TSG101: variants seen among roughly 807,000 people sequenced by gnomAD.
TSG101 encodes the protein tumor susceptibility 101.
A neutral mutation model predicts 48.5 loss-of-function variants in TSG101; 19 were observed. The observed-to-expected ratio is 0.39, with a 90% CI of 0.27 to 0.58. The LOEUF is 0.58. Among genes scored for constraint, TSG101 ranks in the 20% least tolerant of loss-of-function variants. The probability of loss-of-function intolerance (pLI) is 0.55; values close to 1 mark genes in which losing one functional copy is unlikely to be tolerated. For synonymous variants in TSG101, 174 were observed against 169.4 expected (o/e 1.03, Z -0.21); for missense variants, 365 against 484.4 (o/e 0.75, Z 2.31).
chr11:18,508,107 A>T lies in TSG101; in HGVS notation c.482-1184T>A, dbSNP rs991196104. On this transcript the variant is annotated intron_variant, in intron 5 of 9. Coordinates refer to ENST00000251968, the MANE Select transcript of TSG101 (RefSeq NM_006292.4). The stretch of plus-strand genomic sequence containing the variant: ...AGACTCTGTCTCAAAAAAAAAAAAA[A>T]GTTGCTTAGGAGACTACCTGAATTT... 9.3e-5 allele frequency among the ~76,000 whole-genome samples: 14 copies of T among 150,466 alleles called. No individual in the cohort carries two copies. In the East Asian group the frequency reaches 2.4e-3, roughly 25 times the overall value.
intron 7 of TSG101, among the ~76,000 whole-genome samples, chr11:18,499,074 A>G: frequency 6.6e-6 from 1 of 151,150 alleles, no homozygotes; most frequent in African/African-American, 2.4e-5. Flanking sequence ...GTTTAAGAGA[A>G]AAACGGAGAA....
chr11:18,525,793 T>C, intron 1 of TSG101: 1 of 570,228 alleles, frequency 1.8e-6, no homozygotes, highest in Non-Finnish European at 2.2e-6. Context: ...AAGCTGTCAT[T>C]TTCTCCTTAG....
At chr11:18,498,104 T>C (rs1461426720) in intron 7 of TSG101, among the ~76,000 whole-genome samples, 1 of 152,050 alleles carries the variant, frequency 6.6e-6, no homozygotes, top group African/African-American at 2.4e-5. Flanking sequence ...TTGGTGGTGG[T>C]GGCAGCAAAT....
intron 7 of TSG101, 97 bp downstream of exon 7, chr11:18,502,389 A>G: frequency 1.1e-6 from 1 of 920,540 alleles, no homozygotes; most frequent in Non-Finnish European, 1.6e-6. Context: ...CTCTAAGAAG[A>G]AAGAGTAGTC....
chr11:18,520,580 T>C (rs888407174), intron 1 of TSG101, among the ~76,000 whole-genome samples: 2 of 152,206 alleles, frequency 1.3e-5, no homozygotes, highest in Admixed American at 6.5e-5. Context: ...GATGGGCACA[T>C]CTCTTTTTTG....
At chr11:18,513,504 T>C (rs908755591) in intron 4 of TSG101, among the ~76,000 whole-genome samples, 1 of 152,038 alleles carries the variant, frequency 6.6e-6, no homozygotes, top group Non-Finnish European at 1.5e-5. Flanking sequence ...CTCACTATGT[T>C]GCCCAGGCTG....
At position 18,480,507 on chromosome 11, in the gene TSG101, C is replaced by T. The variant is rs763471256; in HGVS notation, c.*39G>A. On this transcript the variant is annotated 3_prime_UTR_variant, in exon 10 of 10. Transcript: ENST00000251968. ...TACTGATAAAAGGAAGAGAAGAATA[C>T]TTTAAGAAGAGCTCAACCTCCAGCT... 1 of 1,545,446 alleles carries T rather than the reference C, an allele frequency of 6.5e-7. No individual in the cohort carries two copies. Among genetic ancestry groups the T allele is most frequent in the African/African-American group, 1.4e-5 (1 of 73,474 alleles).
intron 4 of TSG101, among the ~76,000 whole-genome samples, chr11:18,512,956 G>GATCCTCCC (rs1565092969): frequency 9.4e-4 from 143 of 151,982 alleles, no homozygotes; most frequent in African/African-American, 3.1e-3. Flanking sequence ...TCAAACTTCT[G>GATCCTCCC]GCCTCAAGTG....
chr11:18,481,406 G>A, intron 9 of TSG101: 4 of 1,327,990 alleles, frequency 3.0e-6, no homozygotes, highest in South Asian at 1.9e-5. Context: ...CCTGTGGGCA[G>A]AGAACTGCAG....
At chr11:18,489,900 CA>C in intron 7 of TSG101, among the ~76,000 whole-genome samples, 1 of 152,232 alleles carries the variant, frequency 6.6e-6, no homozygotes, top group Middle Eastern at 3.4e-3. Context: ...TTAAACTTTC[CA>C]AAAAGTTACA....
chr11:18,523,622 C>T (rs1447924621), intron 1 of TSG101, among the ~76,000 whole-genome samples: 1 of 152,186 alleles, frequency 6.6e-6, no homozygotes, highest in African/African-American at 2.4e-5. Context: ...CCTTTCTCAG[C>T]TTCCCGAGTA....
chr11:18,485,486 T>G (rs146564031), intron 7 of TSG101, among the ~76,000 whole-genome samples: 98 of 152,348 alleles, frequency 6.4e-4, no homozygotes, highest in African/African-American at 2.3e-3. Context: ...CAGAATTGGT[T>G]ATCTTCTAGG....
chr11:18,481,126 C>A (rs934524688), intron 9 of TSG101, among the ~76,000 whole-genome samples: 1 of 152,148 alleles, frequency 6.6e-6, no homozygotes, highest in Non-Finnish European at 1.5e-5. Context: ...ACAGCAGTAG[C>A]CAAACTTCGC....
chr11:18,526,013 G>A (rs1850366677), intron 1 of TSG101, among the ~76,000 whole-genome samples: 1 of 152,052 alleles, frequency 6.6e-6, no homozygotes, highest in African/African-American at 2.4e-5. Context: ...ACATAGTTTT[G>A]GAAAATTACA....
rs370671181 is a variant in TSG101, at chr11:18,482,937, C to T, written c.843+933G>A. Among the ~76,000 whole-genome samples, 205 of 152,260 alleles carry T rather than the reference C, an allele frequency of 1.3e-3. 3 individuals are homozygous for T. In the South Asian group the frequency reaches 0.04, roughly 30 times the overall value. Reference sequence around the variant, plus strand: ...GGGTTAAAACATCCTTTGCCTAAAACATTTCCTAGGGCAAAGGTGTGATAA... The same window carrying T: ...GGGTTAAAACATCCTTTGCCTAAAATATTTCCTAGGGCAAAGGTGTGATAA... On this transcript the variant is annotated intron_variant, in intron 8 of 9. Transcript: ENST00000251968.
intron 7 of TSG101, among the ~76,000 whole-genome samples, chr11:18,485,097 T>A (rs1406626743): frequency 6.6e-6 from 1 of 152,032 alleles, no homozygotes. Flanking sequence ...TGAAGGGCCT[T>A]GTGAATTACC....
chr11:18,526,663 C>G, intron 1 of TSG101, 112 bp downstream of exon 1: 1 of 1,339,410 alleles, frequency 7.5e-7, no homozygotes, highest in Non-Finnish European at 1.0e-6. Context: ...AGGACTGCAC[C>G]GGGGCTTCCG....
chr11:18,480,575 T>G lies in TSG101; in HGVS notation c.1144A>C (p.Lys382Gln), dbSNP rs1178478105. 15 of 1,613,972 alleles carry G rather than the reference T, an allele frequency of 9.3e-6. No homozygotes were observed. Among genetic ancestry groups the G allele is most frequent in the Non-Finnish European group, 1.3e-5 (15 of 1,179,956 alleles). ...QLRALMQKAR[K>Q]TAGLSDLY is the part of the protein sequence containing the mutation. ...TAGAGGTCACTGAGACCGGCAGTCT[T>G]TCTTGCTTTTTGCATTAGTGCCCTC... Residue 382 changes from lysine to glutamine, a missense_variant, in exon 10 of 10, where the codon AAG (lysine) becomes CAG (glutamine). Coordinates refer to ENST00000251968, the MANE Select transcript of TSG101 (RefSeq NM_006292.4).
intron 4 of TSG101, among the ~76,000 whole-genome samples, chr11:18,512,229 AC>A (rs1480471663): frequency 1.3e-5 from 2 of 151,870 alleles, no homozygotes; most frequent in East Asian, 3.9e-4. Flanking sequence ...ATGTAGCAAA[AC>A]CCCATCTCTA....
Sources: gnomAD v4.1 joint callset for allele counts (sites outside exome capture counted in the v4.1 genomes callset) on GRCh38, gnomAD v4.1.1 for gene constraint, MANE v1.5 for transcripts, NCBI Gene and HGNC (gene_info 2026-07-23, HGNC 2026-07-21) for gene names.